Variants in ZNF385D observed in about 807,000 individuals in gnomAD.
ZNF385D encodes zinc finger protein 385D, also known as zinc finger protein 659.
Under a neutral mutation model 35.8 loss-of-function variants are expected in ZNF385D, and 15 were observed. The observed-to-expected ratio is 0.42, with a 90% CI of 0.28 to 0.64. The LOEUF is 0.64. Among genes scored for constraint, ZNF385D ranks in the 30% least tolerant of loss-of-function variants. ZNF385D has a pLI of 0.23. For synonymous variants in ZNF385D, 212 were observed against 186.8 expected, an observed-to-expected ratio of 1.13 and a Z score of -1.10; for missense variants, 474 against 494.6, an observed-to-expected ratio of 0.96 and a Z score of 0.39.
At chr3:21,659,806 T>TA (rs1324634755) in intron 2 of ZNF385D, among the ~76,000 whole-genome samples, 1 of 152,080 alleles carries the variant, frequency 6.6e-6, no homozygotes. Flanking sequence ...TCTGGGAGTG[T>TA]AAAAATTGTT....
chr3:21,506,072 G>C (rs1279239491), intron 4 of ZNF385D, among the ~76,000 whole-genome samples: 1 of 152,162 alleles, frequency 6.6e-6, no homozygotes, highest in Non-Finnish European at 1.5e-5. Flanking sequence ...TAGGTCTAGT[G>C]ATTGAAGTTA....
chr3:21,656,564 A>C (rs573660478), intron 2 of ZNF385D, among the ~76,000 whole-genome samples: 1 of 151,958 alleles, frequency 6.6e-6, no homozygotes, highest in Non-Finnish European at 1.5e-5. Context: ...AACTAATTAC[A>C]TCTTCAATGA....
chr3:22,144,150 T>C (rs1704697357), intron 3 of ZNF385D, among the ~76,000 whole-genome samples: 1 of 152,186 alleles, frequency 6.6e-6, no homozygotes, highest in Non-Finnish European at 1.5e-5. Context: ...AAGAATTCAA[T>C]TTTTAGCTAA....
At chr3:22,303,209 A>G (rs1328918290) in intron 2 of ZNF385D, among the ~76,000 whole-genome samples, 2 of 152,150 alleles carry the variant, frequency 1.3e-5, no homozygotes, top group African/African-American at 2.4e-5. Context: ...TTGCAGCTAC[A>G]TGTATTGTGT....
At chr3:21,657,576 G>C (rs1334207200) in intron 2 of ZNF385D, among the ~76,000 whole-genome samples, 1 of 151,918 alleles carries the variant, frequency 6.6e-6, no homozygotes, top group Non-Finnish European at 1.5e-5. Flanking sequence ...GAACTAGAGA[G>C]CAATCTGCTA....
At chr3:21,597,725 A>G (rs975799677) in intron 2 of ZNF385D, among the ~76,000 whole-genome samples, 1 of 152,232 alleles carries the variant, frequency 6.6e-6, no homozygotes, top group Non-Finnish European at 1.5e-5. Context: ...TATCTGGAAC[A>G]TTAAGTAGGA....
intron 3 of ZNF385D, among the ~76,000 whole-genome samples, chr3:21,794,890 A>T (rs61191035): frequency 0.021 from 3,227 of 152,286 alleles, 103 homozygotes; most frequent in African/African-American, 0.071. Flanking sequence ...AAATATTGTC[A>T]CATATCATAC....
chr3:22,049,337 A>AAAATAAAT, intron 3 of ZNF385D, among the ~76,000 whole-genome samples: 3 of 95,100 alleles, frequency 3.2e-5, no homozygotes, highest in African/African-American at 1.0e-4. Flanking sequence ...TAAAATAAAT[A>AAAATAAAT]AAAAATGCGG....
intron 3 of ZNF385D, among the ~76,000 whole-genome samples, chr3:21,868,586 T>C (rs1316951498): frequency 6.6e-6 from 1 of 152,144 alleles, no homozygotes; most frequent in African/African-American, 2.4e-5. Flanking sequence ...TTTTGTACTA[T>C]TACCATATCT....
intron 1 of ZNF385D, among the ~76,000 whole-genome samples, chr3:21,688,915 C>A (rs1377538503): frequency 6.6e-6 from 1 of 152,068 alleles, no homozygotes; most frequent in Non-Finnish European, 1.5e-5. Context: ...CAACAACATA[C>A]TACAATATAT....
chr3:22,186,881 T>C (rs1163172556), intron 2 of ZNF385D, among the ~76,000 whole-genome samples: 2 of 152,330 alleles, frequency 1.3e-5, no homozygotes, highest in Admixed American at 6.5e-5. Flanking sequence ...TGTTTATAAA[T>C]GATTATAAAC....
chr3:21,811,103 T>C (rs1350585416), intron 3 of ZNF385D, among the ~76,000 whole-genome samples: 1 of 151,724 alleles, frequency 6.6e-6, no homozygotes, highest in Non-Finnish European at 1.5e-5. Flanking sequence ...ATGCAAAGAA[T>C]CAAAGAATTT....
intron 3 of ZNF385D, among the ~76,000 whole-genome samples, chr3:21,779,591 C>CT (rs1168604526): frequency 4.6e-5 from 7 of 151,938 alleles, no homozygotes; most frequent in Middle Eastern, 3.4e-3. Flanking sequence ...AATAAAAATA[C>CT]TTTTTTGACT....
intron 1 of ZNF385D, among the ~76,000 whole-genome samples, chr3:21,716,150 C>T (rs953920793): frequency 2.0e-5 from 3 of 152,174 alleles, no homozygotes; most frequent in African/African-American, 4.8e-5. Flanking sequence ...TGTCACCACT[C>T]TTATACGTGG....
chr3:22,107,783 T>G (rs1702303727), intron 3 of ZNF385D, among the ~76,000 whole-genome samples: 1 of 152,076 alleles, frequency 6.6e-6, no homozygotes, highest in South Asian at 2.1e-4. Context: ...TACATCCATA[T>G]GTAGTGTGGT....
intron 3 of ZNF385D, among the ~76,000 whole-genome samples, chr3:22,019,478 G>T (rs774088728): frequency 2.6e-5 from 4 of 151,828 alleles, no homozygotes; most frequent in Admixed American, 1.3e-4. Flanking sequence ...ATTCAGTAAA[G>T]ATACTAATTG....
chr3:22,140,022 C>A (rs563093143), intron 3 of ZNF385D, among the ~76,000 whole-genome samples: 34 of 152,240 alleles, frequency 2.2e-4, no homozygotes, highest in African/African-American at 7.9e-4. Flanking sequence ...AATGGTACAG[C>A]CACTTTGGAT....
At chr3:22,365,317 G>A (rs910200743) in intron 2 of ZNF385D, among the ~76,000 whole-genome samples, 36 of 151,708 alleles carry the variant, frequency 2.4e-4, no homozygotes, top group African/African-American at 7.7e-4. Flanking sequence ...CACTGAGGGC[G>A]AAATATCAAC....
At chr3:21,631,226 G>A (rs1287927764) in intron 2 of ZNF385D, among the ~76,000 whole-genome samples, 1 of 152,016 alleles carries the variant, frequency 6.6e-6, no homozygotes, top group African/African-American at 2.4e-5. Context: ...GTAGCATCTG[G>A]CTCCTCACCT....
Sources: gnomAD v4.1 joint callset for allele counts (sites outside exome capture counted in the v4.1 genomes callset) on GRCh38, gnomAD v4.1.1 for gene constraint, MANE v1.5 for transcripts, NCBI Gene and HGNC (gene_info 2026-07-23, HGNC 2026-07-21) for gene names.